XRCC5: variants seen among roughly 807,000 people sequenced by gnomAD.
The protein encoded by XRCC5 is DNA repair protein Ku80.
Under a neutral mutation model 95.7 loss-of-function variants are expected in XRCC5, and 12 were observed. The observed-to-expected ratio is 0.13, with a 90% CI of 0.08 to 0.20. The LOEUF (loss-of-function observed/expected upper bound fraction) is 0.20, where lower values mean the gene tolerates loss of function less well. XRCC5 is among the 10% of genes least tolerant of loss of function. The pLI, the probability that XRCC5 is intolerant of heterozygous loss-of-function variation, is 1.00. For missense variants in XRCC5, 595 were observed against 873.9 expected (o/e 0.68, Z 4.02); for synonymous variants, 281 against 290.3 (o/e 0.97, Z 0.33).
At chr2:216,153,097 A>G (rs1177829426) in intron 14 of XRCC5, among the ~76,000 whole-genome samples, 2 of 152,146 alleles carry the variant, frequency 1.3e-5, no homozygotes, top group African/African-American at 4.8e-5. Context: ...AGAATAGTCT[A>G]TTCTGCAACC....
intron 16 of XRCC5, among the ~76,000 whole-genome samples, chr2:216,189,151 G>T (rs947925993): frequency 6.6e-6 from 1 of 152,220 alleles, no homozygotes; most frequent in African/African-American, 2.4e-5. Context: ...AGAGTTAGTG[G>T]CCTGGGGCCT....
chr2:216,119,091 C>G lies in XRCC5; in HGVS notation c.417C>G (p.Ser139Arg), dbSNP rs1406229629. The G allele has an allele frequency of 4.3e-6, 7 of 1,613,964 alleles. No individual in the cohort carries two copies. In the Admixed American group the frequency reaches 1.0e-4, roughly 23 times the overall value. Residue 139 changes from serine (S) to arginine (R), a missense_variant, in exon 5 of 21, where the codon AGC (serine) becomes AGG (arginine). Around this residue, in one of 2 missense-constraint regions of XRCC5, gnomAD observed 286 missense variants for 491.1 expected, o/e 0.58. Coordinates refer to ENST00000392132, the MANE Select transcript of XRCC5 (RefSeq NM_021141.4). The part of the protein sequence containing the change: ...KRHIEIFTDL[S>R]SRFSKSQLDI... Reference sequence around the variant, plus strand: ...ATATTGAAATATTCACTGACCTCAGCAGCCGATTCAGCAAAAGTCAGCTGG... The same window carrying G: ...ATATTGAAATATTCACTGACCTCAGGAGCCGATTCAGCAAAAGTCAGCTGG...
At chr2:216,147,631 C>T (rs1351903111) in intron 13 of XRCC5, among the ~76,000 whole-genome samples, 3 of 152,070 alleles carry the variant, frequency 2.0e-5, no homozygotes, top group Admixed American at 2.0e-4. Flanking sequence ...TGGGCAGCTT[C>T]CCTGTAGCCA....
At chr2:216,121,125 G>T (rs956999140) in intron 5 of XRCC5, among the ~76,000 whole-genome samples, 2 of 152,106 alleles carry the variant, frequency 1.3e-5, no homozygotes, top group Admixed American at 6.5e-5. Context: ...CTTTTTCCAG[G>T]ATAACTTCCT....
At chr2:216,129,332 T>C (rs41299796) in intron 8 of XRCC5, among the ~76,000 whole-genome samples, 6,943 of 152,278 alleles carry the variant, frequency 0.046, 513 homozygotes, top group African/African-American at 0.16. Context: ...TTTTGCTTTT[T>C]GTTTTTTGTT....
At position 216,205,582 on chromosome 2, in the gene XRCC5, G is replaced by T; in HGVS notation, c.*380G>T. 5.2e-6 allele frequency: 1 copy of T among 193,718 alleles called. No homozygotes were observed. Among genetic ancestry groups the T allele is most frequent in the Admixed American group, 5.8e-5 (1 of 17,156 alleles). The allele number at this position is 193,718 out of a possible 1,614,324, so 12.0% of individuals were successfully genotyped here. On this transcript the variant is annotated 3_prime_UTR_variant, in exon 21 of 21. Coordinates refer to ENST00000392132, the MANE Select transcript of XRCC5 (RefSeq NM_021141.4). ...GATTAGTGTCTCATGTGGAACCATG[G>T]CATGGTTATTGATGAGTTTCTTAAC...
In XRCC5 at chr2:216,132,372, A is replaced by G; in HGVS notation, c.1098A>G (p.Ala366=). ...FMGNQVLKVF[A]ARDDEAAAVA... Reference sequence around the variant, plus strand: ...GAAATCAAGTTCTAAAGGTCTTTGCAGCAAGAGATGATGAGGTGAGTTGGC... The same window carrying G: ...GAAATCAAGTTCTAAAGGTCTTTGCGGCAAGAGATGATGAGGTGAGTTGGC... Residue 366 remains alanine, a synonymous_variant, in exon 10 of 21, where the codon GCA becomes GCG. Transcript: ENST00000392132. The G allele has an allele frequency of 1.2e-6, 2 of 1,614,026 alleles. No homozygotes were observed. Among genetic ancestry groups the G allele is most frequent in the Non-Finnish European group, 1.7e-6 (2 of 1,179,898 alleles).
chr2:216,114,996 G>A (rs1224279045), intron 2 of XRCC5, among the ~76,000 whole-genome samples: 1 of 151,314 alleles, frequency 6.6e-6, no homozygotes, highest in African/African-American at 2.5e-5. Context: ...AGATGGCGCC[G>A]GTGGTTGGGG....
At chr2:216,139,754 C>T (rs1284982903) in intron 12 of XRCC5, among the ~76,000 whole-genome samples, 1 of 152,224 alleles carries the variant, frequency 6.6e-6, no homozygotes, top group Non-Finnish European at 1.5e-5. Context: ...ACAATCCTCA[C>T]ATCTCAGCCT....
In XRCC5 at chr2:216,153,956, C is replaced by G. The variant is rs80317445; in HGVS notation, c.1670+5680C>G. Among the ~76,000 whole-genome samples, 187 of 152,292 alleles carry G rather than the reference C, an allele frequency of 1.2e-3. 1 individual carries two copies. Among genetic ancestry groups the G allele is most frequent in the African/African-American group, 4.3e-3 (180 of 41,556 alleles). On this transcript the variant is annotated intron_variant, in intron 14 of 20. Coordinates refer to ENST00000392132, the MANE Select transcript of XRCC5 (RefSeq NM_021141.4). ...TTCTTCTTCCTGCTCCTTTCCAACC[C>G]CTCTTCATGCTATTATTCTCTATTT... is the stretch of plus-strand genomic sequence containing the variant.
chr2:216,113,913 T>C (rs1055151618), intron 2 of XRCC5, among the ~76,000 whole-genome samples: 1 of 152,158 alleles, frequency 6.6e-6, no homozygotes, highest in Non-Finnish European at 1.5e-5. Flanking sequence ...CATTTCTGTT[T>C]TCTGTTAGTC....
At chr2:216,129,535 G>A (rs1359046766) in intron 8 of XRCC5, among the ~76,000 whole-genome samples, 1 of 152,218 alleles carries the variant, frequency 6.6e-6, no homozygotes, top group Non-Finnish European at 1.5e-5. Context: ...CAAGTAAGAT[G>A]ATGACTGATG....
At chr2:216,179,315 A>G (rs756744176) in intron 16 of XRCC5, among the ~76,000 whole-genome samples, 5 of 152,108 alleles carry the variant, frequency 3.3e-5, no homozygotes, top group Middle Eastern at 3.2e-3. Context: ...TGTCAGTCCT[A>G]TTGGATTAGG....
At chr2:216,179,527 T>A (rs1203094462) in intron 16 of XRCC5, among the ~76,000 whole-genome samples, 1 of 152,032 alleles carries the variant, frequency 6.6e-6, no homozygotes, top group East Asian at 1.9e-4. Flanking sequence ...GGCTTATAAT[T>A]TTATGTAGAG....
chr2:216,170,615 T>A (rs1354197122), intron 16 of XRCC5, among the ~76,000 whole-genome samples: 1 of 152,180 alleles, frequency 6.6e-6, no homozygotes, highest in Non-Finnish European at 1.5e-5. Flanking sequence ...CTCCTCTAAT[T>A]TGATATGAGA....
At position 216,156,459 on chromosome 2, in the gene XRCC5, G is replaced by GGT. The variant is rs1031787782; in HGVS notation, c.1671-3608_1671-3607dup. The GGT allele has an allele frequency of 3.7e-4, 256 of 696,122 alleles. 1 individual carries two copies. The highest frequency in any genetic ancestry group is 3.8e-4 in the Admixed American group (21 of 55,816). 43.1% of individuals were successfully genotyped at this position (696,122 alleles called of 1,614,324 possible). On this transcript the variant is annotated intron_variant, in intron 14 of 20. Transcript: ENST00000392132. ...TTTGTAGTCTCTATCGTACAGCACT[G>GGT]GTCAGATCTACATAAGCCTCATCGA... is the stretch of plus-strand genomic sequence containing the variant.
chr2:216,138,231 G>A, intron 12 of XRCC5, 52 bp downstream of exon 12: 2 of 1,509,090 alleles, frequency 1.3e-6, no homozygotes, highest in African/African-American at 1.4e-5. Context: ...CTGTTCTTGG[G>A]AAATCACCTG....
In XRCC5 at chr2:216,125,936, T is replaced by C. The variant is rs200195100; in HGVS notation, c.703T>C (p.Cys235Arg). Reference sequence around the variant, plus strand: ...ATTAAGTGAGAGTCTGAGAAAACTGTGCGTCTTCAAGAAAATTGAGAGGCA... The same window carrying C: ...ATTAAGTGAGAGTCTGAGAAAACTGCGCGTCTTCAAGAAAATTGAGAGGCA... ...YSFSESLRKL[C>R]VFKKIERHSI... The change falls in exon 7 of 21, where the codon TGC becomes CGC. Residue 235 changes from cysteine to arginine, a missense_variant. Cys to Arg is a radical substitution (Grantham distance 180). Coordinates refer to ENST00000392132, the MANE Select transcript of XRCC5 (RefSeq NM_021141.4). 2.3e-5 allele frequency: 37 copies of C among 1,613,694 alleles called. No individual in the cohort carries two copies. The highest frequency in any genetic ancestry group is 2.1e-5 in the Non-Finnish European group (25 of 1,179,722).
rs1381139907 is a variant in XRCC5 at position 216,204,343 on chromosome 2, C to T, written c.2131C>T (p.Pro711Ser). 3 of 1,613,786 alleles carry T rather than the reference C, an allele frequency of 1.9e-6. No homozygotes were observed. Among genetic ancestry groups the T allele is most frequent in the African/African-American group, 1.3e-5 (1 of 74,872 alleles). Residue 711 changes from proline to serine, a missense_variant, in exon 20 of 21, where the codon CCA becomes TCA. Transcript: ENST00000392132. ...AKKFLAPKDK[P>S]SGDTAAVFEE... ...ACAGTTTCTGGCCCCCAAAGACAAACCAAGTGGAGACACAGCAGCTGTATT... is the reference window on the plus strand; with the variant it reads ...ACAGTTTCTGGCCCCCAAAGACAAATCAAGTGGAGACACAGCAGCTGTATT...
Sources: gnomAD v4.1 joint callset for allele counts (sites outside exome capture counted in the v4.1 genomes callset) on GRCh38, gnomAD v4.1.1 for gene constraint, gnomAD v4.1.1 regional missense constraint, MANE v1.5 for transcripts, NCBI Gene and HGNC (gene_info 2026-07-23, HGNC 2026-07-21) for gene names.